The following RNF38 variants were observed in gnomAD, a reference collection of about 807,000 sequenced individuals.
RNF38 encodes the protein E3 ubiquitin-protein ligase RNF38.
A neutral mutation model predicts 67.2 loss-of-function variants in RNF38; 15 were observed. The observed-to-expected ratio is 0.22, with a 90% CI of 0.15 to 0.34. RNF38 has a LOEUF of 0.34. Ranked by LOEUF, RNF38 falls within the 10% of genes least tolerant of loss-of-function variation. RNF38 has a pLI of 1.00. For missense variants in RNF38, 524 were observed against 639.9 expected, an observed-to-expected ratio of 0.82 and a Z score of 1.95; for synonymous variants, 220 against 218.8, an observed-to-expected ratio of 1.01 and a Z score of -0.05.
At chr9:36,442,121 A>T (rs1465578804) in intron 1 of RNF38, among the ~76,000 whole-genome samples, 3 of 152,126 alleles carry the variant, frequency 2.0e-5, no homozygotes, top group African/African-American at 7.2e-5. Flanking sequence ...CAATCTTCCT[A>T]ATCTCATCAC....
intron 1 of RNF38, among the ~76,000 whole-genome samples, chr9:36,441,209 T>C (rs1206075530): frequency 6.8e-6 from 1 of 146,544 alleles, no homozygotes; most frequent in African/African-American, 2.4e-5. Flanking sequence ...CAGACACTTA[T>C]TGTGACCTTA....
chr9:36,371,001 A>G (rs1230016397), intron 3 of RNF38, among the ~76,000 whole-genome samples: 19 of 152,140 alleles, frequency 1.2e-4, no homozygotes, highest in Admixed American at 1.2e-3. Context: ...TAAAAATTTT[A>G]TTGTGACTAA....
At chr9:36,364,056 T>C (rs77714469) in intron 4 of RNF38, among the ~76,000 whole-genome samples, 7,744 of 63,940 alleles carry the variant, frequency 0.12, 857 homozygotes, top group Non-Finnish European at 0.17. Context: ...GCTCGAACTC[T>C]TGACCTCAAG....
intron 1 of RNF38, among the ~76,000 whole-genome samples, chr9:36,453,224 A>ATTG (rs2134343994): frequency 6.6e-6 from 1 of 151,910 alleles, no homozygotes; most frequent in Admixed American, 6.6e-5. Context: ...TATTATTATT[A>ATTG]TTATTTTGAG....
chr9:36,448,386 T>C (rs893855389), intron 1 of RNF38, among the ~76,000 whole-genome samples: 1 of 152,144 alleles, frequency 6.6e-6, no homozygotes, highest in Non-Finnish European at 1.5e-5. Context: ...CTCACAATTA[T>C]CATCAGGAAA....
At chr9:36,345,088 T>G in intron 9 of RNF38, 135 bp from the exon 10 acceptor site, 2 of 844,750 alleles carry the variant, frequency 2.4e-6, no homozygotes, top group Non-Finnish European at 3.4e-6. Context: ...ATGATCATTG[T>G]GCACTGTGGC....
intron 2 of RNF38, among the ~76,000 whole-genome samples, chr9:36,424,303 A>C (rs1838714013): frequency 6.6e-6 from 1 of 152,214 alleles, no homozygotes; most frequent in Non-Finnish European, 1.5e-5. Flanking sequence ...CCTCTGAAAC[A>C]CATGTTCGTA....
At position 36,341,387 on chromosome 9, in the gene RNF38, T is replaced by G. The variant is rs550958740; in HGVS notation, c.1485+938A>C. Among the ~76,000 whole-genome samples the G allele has an allele frequency of 2.6e-5, 4 of 152,318 alleles. No homozygotes were observed. In the East Asian group the frequency reaches 7.7e-4, roughly 29 times the overall value. ...TGACTTTATCTTCCTCACCAAATAG[T>G]AAGGTTATCTAGTTTTATCCAAACC... On this transcript the variant is annotated intron_variant, in intron 11 of 11. Transcript: ENST00000259605.
At chr9:36,359,442 T>C (rs1587501082) in intron 4 of RNF38, among the ~76,000 whole-genome samples, 1 of 152,184 alleles carries the variant, frequency 6.6e-6, no homozygotes, top group South Asian at 2.1e-4. Context: ...ACATGGACAA[T>C]TATACTTGCT....
At chr9:36,400,664 T>C (rs1837947819), upstream of RNF38, 4 of 985,494 alleles carry the variant, frequency 4.1e-6, no homozygotes, top group Non-Finnish European at 4.8e-6. Flanking sequence ...AGATCCGCCG[T>C]CCGCGGGCCT....
Position 36,339,649 on chromosome 9 carries a change from T to A in RNF38, c.*103A>T, listed in dbSNP as rs1225827909. The A allele has an allele frequency of 2.3e-6, 2 of 860,090 alleles. No individual in the cohort carries two copies. Among genetic ancestry groups the A allele is most frequent in the Non-Finnish European group, 3.8e-6 (2 of 520,142 alleles). The allele number at this position is 860,090 out of a possible 1,614,324, so 53.3% of individuals were successfully genotyped here. ...GCAAAGAAAGGTCCATTGACCCTTT[T>A]GGTAAAGGGAGGGCTGGAAGCCACA... On this transcript the variant is annotated 3_prime_UTR_variant, in exon 12 of 12. Coordinates refer to ENST00000259605, the MANE Select transcript of RNF38 (RefSeq NM_022781.5).
At chr9:36,457,618 T>A (rs1261204376) in intron 1 of RNF38, among the ~76,000 whole-genome samples, 10 of 152,202 alleles carry the variant, frequency 6.6e-5, no homozygotes, top group Non-Finnish European at 1.5e-4. Flanking sequence ...GGCTTAAGTT[T>A]ATCAGGGGAC....
At chr9:36,472,395 G>A (rs534713932) in intron 1 of RNF38, among the ~76,000 whole-genome samples, 1 of 152,290 alleles carries the variant, frequency 6.6e-6, no homozygotes, top group East Asian at 1.9e-4. Context: ...CCATAGCCCA[G>A]GATGGCTTTC....
intron 9 of RNF38, among the ~76,000 whole-genome samples, chr9:36,346,412 A>C (rs1833244208): frequency 6.6e-6 from 1 of 152,080 alleles, no homozygotes. Context: ...GCTGGGCTTA[A>C]ACTCCTGACA....
At chr9:36,486,871 C>T (rs942301349) in intron 1 of RNF38, among the ~76,000 whole-genome samples, 8 of 152,178 alleles carry the variant, frequency 5.3e-5, no homozygotes, top group Non-Finnish European at 1.0e-4. Context: ...GCCTGACCCC[C>T]TCCCCCGAGA....
intron 1 of RNF38, among the ~76,000 whole-genome samples, chr9:36,473,641 T>A (rs1187880000): frequency 6.6e-6 from 1 of 152,040 alleles, no homozygotes; most frequent in African/African-American, 2.4e-5. Flanking sequence ...GATGTACCAC[T>A]CTGATGCAGG....
chr9:36,400,481 G>T (rs1837931647), upstream of RNF38: 2 of 1,013,782 alleles, frequency 2.0e-6, no homozygotes, highest in Non-Finnish European at 2.4e-6. Context: ...CTCGGGCGCG[G>T]CCCCGCAGGC....
chr9:36,418,911 C>T (rs192359640), intron 2 of RNF38, among the ~76,000 whole-genome samples: 11 of 151,768 alleles, frequency 7.2e-5, no homozygotes, highest in Admixed American at 2.0e-4. Context: ...TGCAGTGAGC[C>T]GAGATCACAC....
chr9:36,456,450 A>ACAGG (rs1490034508), intron 1 of RNF38, among the ~76,000 whole-genome samples: 7 of 152,340 alleles, frequency 4.6e-5, no homozygotes, highest in South Asian at 2.1e-4. Flanking sequence ...ATGCAAAGTA[A>ACAGG]TTTTAAACTT....
Sources: gnomAD v4.1 joint callset for allele counts (sites outside exome capture counted in the v4.1 genomes callset) on GRCh38, gnomAD v4.1.1 for gene constraint, MANE v1.5 for transcripts, NCBI Gene and HGNC (gene_info 2026-07-23, HGNC 2026-07-21) for gene names.